The following BANP variants were observed in gnomAD, a reference collection of about 807,000 sequenced individuals.
BANP encodes protein BANP.
Under a neutral mutation model 68.1 loss-of-function variants are expected in BANP, and 11 were observed. The observed-to-expected ratio is 0.16, with a 90% CI of 0.10 to 0.27. The LOEUF is 0.27. BANP is among the 10% of genes least tolerant of loss of function. The probability of loss-of-function intolerance (pLI) is 1.00; values close to 1 mark genes in which losing one functional copy is unlikely to be tolerated. For missense variants in BANP, 504 were observed against 722.7 expected (o/e 0.70, Z 3.47); for synonymous variants, 329 against 303.2 (o/e 1.09, Z -0.88).
intron 4 of BANP, among the ~76,000 whole-genome samples, chr16:87,987,832 CTTGGCTCA>C (rs2064867460): frequency 6.8e-6 from 1 of 147,534 alleles, no homozygotes; most frequent in African/African-American, 2.5e-5. Context: ...GTGGTGGAAT[CTTGGCTCA>C]CTGCAACCTC....
At chr16:88,023,286 C>G (rs1167602177) in intron 7 of BANP, among the ~76,000 whole-genome samples, 2 of 152,114 alleles carry the variant, frequency 1.3e-5, no homozygotes, top group African/African-American at 4.8e-5. Context: ...GAGGGGCTCT[C>G]TGGCTAACAG....
chr16:87,976,290 A>G (rs2062105965), intron 2 of BANP, among the ~76,000 whole-genome samples: 1 of 152,154 alleles, frequency 6.6e-6, no homozygotes, highest in African/African-American at 2.4e-5. Flanking sequence ...CTTGAGAACA[A>G]GTTTTTTCTA....
At chr16:88,060,165 A>G (rs1483204970) in intron 11 of BANP, among the ~76,000 whole-genome samples, 1 of 152,260 alleles carries the variant, frequency 6.6e-6, no homozygotes, top group Non-Finnish European at 1.5e-5. Context: ...GCACATAGCA[A>G]CCACCTGTCG....
intron 2 of BANP, 55 bp downstream of exon 2, chr16:87,975,240 C>CA (rs2061798209): frequency 6.5e-7 from 1 of 1,539,482 alleles, no homozygotes; most frequent in Non-Finnish European, 9.0e-7. Context: ...CTTCAAAAAC[C>CA]AAAAGCTGCT....
intron 3 of BANP, among the ~76,000 whole-genome samples, chr16:87,982,940 G>C (rs139198507): frequency 1.3e-5 from 2 of 152,232 alleles, no homozygotes; most frequent in Admixed American, 6.5e-5. Flanking sequence ...TGGGAAAGCC[G>C]TTCCGGCTCC....
chr16:87,998,178 T>C (rs150141932), intron 4 of BANP, among the ~76,000 whole-genome samples: 141 of 152,300 alleles, frequency 9.3e-4, no homozygotes, highest in African/African-American at 3.3e-3. Flanking sequence ...CTAGGGACTT[T>C]GGGAGACATC....
chr16:88,032,978 G>A lies in BANP; in HGVS notation c.1064-131G>A, dbSNP rs559405921. The A allele has an allele frequency of 5.5e-5, 60 of 1,083,934 alleles. No homozygotes were observed. In the African/African-American group the frequency reaches 6.3e-4, roughly 11 times the overall value. 67.1% of individuals were successfully genotyped at this position (1,083,934 alleles called of 1,614,324 possible). A position where few individuals can be genotyped will look rare whatever the true frequency, so the allele number is the denominator to read the frequency against. On this transcript the variant is annotated intron_variant, in intron 8 of 13. Coordinates refer to ENST00000682872, the MANE Select transcript of BANP (RefSeq NM_001386991.1). ...CAGAAGAGTGGAGATGCAGTGAGTC[G>A]AGGAAAAATGAAGCATTTCCTCTTC...
At chr16:88,043,177 T>G (rs554233951) in intron 11 of BANP, among the ~76,000 whole-genome samples, 1 of 152,310 alleles carries the variant, frequency 6.6e-6, no homozygotes, top group South Asian at 2.1e-4. Flanking sequence ...CCTAATCTGC[T>G]GCCTTCCAGG....
chr16:88,068,897 A>C (rs2089536639), intron 12 of BANP, among the ~76,000 whole-genome samples: 2 of 2,784 alleles, frequency 7.2e-4, no homozygotes, highest in Admixed American at 0.014. Flanking sequence ...TCTCGTCCCC[A>C]GCCTGTGGTC....
At chr16:88,062,678 C>G (rs770142675) in intron 11 of BANP, among the ~76,000 whole-genome samples, 1 of 152,332 alleles carries the variant, frequency 6.6e-6, no homozygotes, top group Non-Finnish European at 1.5e-5. Context: ...GGACACCGTC[C>G]GTTCCAATGA....
At chr16:88,072,364 C>G (rs2090568419) in intron 13 of BANP, 152 bp downstream of exon 13, 3 of 915,832 alleles carry the variant, frequency 3.3e-6, no homozygotes, top group Non-Finnish European at 3.2e-6. Context: ...GGTTCTACGT[C>G]TCACACTCAC....
intron 1 of BANP, among the ~76,000 whole-genome samples, chr16:87,972,932 A>G (rs1311185308): frequency 6.6e-6 from 1 of 151,982 alleles, no homozygotes; most frequent in East Asian, 1.9e-4. Flanking sequence ...CTCCTGGTGG[A>G]TCCTGCAGCT....
chr16:88,022,535 G>A (rs2076222596), intron 7 of BANP, among the ~76,000 whole-genome samples: 1 of 152,198 alleles, frequency 6.6e-6, no homozygotes, highest in Admixed American at 6.5e-5. Flanking sequence ...AGCAGCGGGG[G>A]CCACTTCACC....
chr16:88,071,427 T>TG lies in BANP; in HGVS notation c.1378-641dup, dbSNP rs2090296083. On this transcript the variant is annotated intron_variant, in intron 12 of 13. Coordinates refer to ENST00000682872, the MANE Select transcript of BANP (RefSeq NM_001386991.1). The surrounding 1 kb of genome is among the most constrained non-coding windows in gnomAD (Gnocchi z 6.5). The stretch of plus-strand genomic sequence containing the variant: ...CCAGAGCCCACCCAGGGGCCTCGCC[T>TG]GTCCCCCATTCTCATTCCATACTCT... The TG allele has an allele frequency of 2.2e-6, 1 of 455,626 alleles. No individual in the cohort carries two copies. The allele number at this position is 455,626 out of a possible 1,614,324, so 28.2% of individuals were successfully genotyped here.
At chr16:87,991,148 C>A (rs980481155) in intron 4 of BANP, among the ~76,000 whole-genome samples, 1 of 152,310 alleles carries the variant, frequency 6.6e-6, no homozygotes, top group East Asian at 1.9e-4. Flanking sequence ...GTTTACATAC[C>A]TGCAACTTCG....
chr16:88,065,258 C>T lies in BANP; in HGVS notation c.1312-9C>T. The T allele has an allele frequency of 1.3e-6, 1 of 750,400 alleles. No individual in the cohort carries two copies. 46.5% of individuals were successfully genotyped at this position (750,400 alleles called of 1,614,324 possible). ...TCCAGGGGAAAATTCGTTTTCTTGC[C>T]TTTTCCAGCTTCTAGAGGCCACCCG... On this transcript the variant is annotated splice_polypyrimidine_tract_variant and intron_variant, in intron 11 of 13. Coordinates refer to ENST00000682872, the MANE Select transcript of BANP (RefSeq NM_001386991.1).
upstream of BANP, among the ~76,000 whole-genome samples, chr16:87,951,262 C>G (rs897347715): frequency 2.0e-5 from 3 of 152,206 alleles, no homozygotes; most frequent in Non-Finnish European, 2.9e-5. Flanking sequence ...GAAGCCGGTA[C>G]CGTCGCGGAA....
chr16:88,037,875 C>T (rs2079751645), intron 10 of BANP, 98 bp from the exon 11 acceptor site: 6 of 1,223,066 alleles, frequency 4.9e-6, no homozygotes, highest in Non-Finnish European at 7.2e-6. Context: ...TCTTGTTATT[C>T]TCAAGTGGCC....
chr16:88,005,503 T>C (rs1220460462), intron 5 of BANP, among the ~76,000 whole-genome samples: 2 of 152,236 alleles, frequency 1.3e-5, no homozygotes, highest in Non-Finnish European at 2.9e-5. Context: ...TGAGCACTTG[T>C]GGAGGTGGCC....
Sources: gnomAD v4.1 joint callset for allele counts (sites outside exome capture counted in the v4.1 genomes callset) on GRCh38, gnomAD v4.1.1 for gene constraint, Gnocchi (gnomAD v3.1) non-coding constraint, MANE v1.5 for transcripts, NCBI Gene and HGNC (gene_info 2026-07-23, HGNC 2026-07-21) for gene names.